WNT3A: variants seen among roughly 807,000 people sequenced by gnomAD.
The protein encoded by WNT3A is Wnt family member 3A.
A neutral mutation model predicts 37.0 loss-of-function variants in WNT3A; 17 were observed. That is an observed-to-expected ratio of 0.46 (90% CI 0.31 to 0.69). The LOEUF (loss-of-function observed/expected upper bound fraction) is 0.69, where lower values mean the gene tolerates loss of function less well. Ranked by LOEUF, WNT3A falls within the 30% of genes least tolerant of loss-of-function variation. WNT3A has a pLI of 0.05. For synonymous variants in WNT3A, 187 were observed against 211.0 expected, an observed-to-expected ratio of 0.89 and a Z score of 0.99; for missense variants, 411 against 510.2, an observed-to-expected ratio of 0.81 and a Z score of 1.87.
Position 228,059,243 on chromosome 1 carries a change from C to T in WNT3A, c.837C>T (p.Asn279=). Reference sequence around the variant, plus strand: ...TGGTCTACTACGAGGCCTCGCCCAACTTCTGCGAGCCCAACCCTGAGACGG... The same window carrying T: ...TGGTCTACTACGAGGCCTCGCCCAATTTCTGCGAGCCCAACCCTGAGACGG... ...RDLVYYEASP[N]FCEPNPETGS... Residue 279 remains asparagine, a synonymous_variant, in exon 4 of 4, where the codon AAC becomes AAT. Coordinates refer to ENST00000284523, the MANE Select transcript of WNT3A (RefSeq NM_033131.4). The T allele has an allele frequency of 6.2e-7, 1 of 1,609,262 alleles. No homozygotes were observed. The highest frequency in any genetic ancestry group is 1.1e-5 in the South Asian group (1 of 90,952).
At chr1:228,058,834 AG>A (rs2031732952) in intron 3 of WNT3A, 151 bp from the exon 4 acceptor site, 4 of 751,626 alleles carry the variant, frequency 5.3e-6, no homozygotes, top group Admixed American at 5.7e-5. Context: ...CACCATAGGA[AG>A]GGGGTGGCCC....
At chr1:228,044,476 T>A (rs2031357284) in intron 2 of WNT3A, among the ~76,000 whole-genome samples, 1 of 152,206 alleles carries the variant, frequency 6.6e-6, no homozygotes, top group African/African-American at 2.4e-5. Context: ...CTCATGCCCC[T>A]GAGACCTCTG....
In WNT3A at chr1:228,022,816, T is replaced by C; in HGVS notation, c.221T>C (p.Ile74Thr). 1 of 1,614,078 alleles carries C rather than the reference T, an allele frequency of 6.2e-7. No individual in the cohort carries two copies. The highest frequency in any genetic ancestry group is 8.5e-7 in the Non-Finnish European group (1 of 1,180,028). ...PSVAEGIKIGIQECQHQFRGR... is the reference protein window; with the variant it reads ...PSVAEGIKIGTQECQHQFRGR... ...GTGGCCGAGGGCATCAAGATTGGCA[T>C]CCAGGAGTGCCAGCACCAGTTCCGC... Residue 74 changes from isoleucine to threonine, a missense_variant, in exon 2 of 4, where the codon ATC (isoleucine) becomes ACC (threonine). Transcript: ENST00000284523.
chr1:228,015,906 C>T lies in WNT3A; in HGVS notation c.72-6761C>T, dbSNP rs1003228456. On this transcript the variant is annotated intron_variant, in intron 1 of 3. Coordinates refer to ENST00000284523, the MANE Select transcript of WNT3A (RefSeq NM_033131.4). ...TGGCCCTGCCTGCTGGCTGGGGCCACGCTTGTCTTAGGGCACCAGGCAGGA... is the reference window on the plus strand; with the variant it reads ...TGGCCCTGCCTGCTGGCTGGGGCCATGCTTGTCTTAGGGCACCAGGCAGGA... 3.4e-4 allele frequency among the ~76,000 whole-genome samples: 51 copies of T among 152,100 alleles called. 1 individual carries two copies. The highest frequency in any genetic ancestry group is 8.9e-4 in the African/African-American group (37 of 41,426).
At chr1:228,057,501 ATAAAAC>A (rs1273052495) in intron 3 of WNT3A, among the ~76,000 whole-genome samples, 5 of 152,216 alleles carry the variant, frequency 3.3e-5, no homozygotes, top group East Asian at 1.9e-4. Flanking sequence ...TTGATCCAAT[ATAAAAC>A]TAAAACAAAA....
At chr1:228,033,160 C>A (rs556216420) in intron 2 of WNT3A, among the ~76,000 whole-genome samples, 1 of 152,146 alleles carries the variant, frequency 6.6e-6, no homozygotes. Context: ...TCCTTTGATA[C>A]ATGCAAGATT....
Position 228,007,460 on chromosome 1 carries a change from G to A in WNT3A, c.71+261G>A, listed in dbSNP as rs1439384141. Among the ~76,000 whole-genome samples, 1 of 152,174 alleles carries A rather than the reference G, an allele frequency of 6.6e-6. No individual in the cohort carries two copies. Among genetic ancestry groups the A allele is most frequent in the Non-Finnish European group, 1.5e-5 (1 of 68,024 alleles). On this transcript the variant is annotated intron_variant, in intron 1 of 3. Transcript: ENST00000284523. This position sits in a 1 kb window ranked among gnomAD's most constrained non-coding sequence, Gnocchi z 6.0. ...GGTTGCGGAGGTCCTAGCTGCCCCT[G>A]GCGTCGGACAGGGCGAGCAGTGGGC...
rs893745836 is a variant in WNT3A at position 228,037,494 on chromosome 1, G to T, written c.314-13162G>T. 6.6e-6 allele frequency among the ~76,000 whole-genome samples: 1 copy of T among 152,026 alleles called. No individual in the cohort carries two copies. Among genetic ancestry groups the T allele is most frequent in the Non-Finnish European group, 1.5e-5 (1 of 67,964 alleles). ...GCTGAGCCCCCAGGAGCCCCTCGGG[G>T]GTGGTCCGCCACCTCCCTGTGTGTC... is the stretch of plus-strand genomic sequence containing the variant. On this transcript the variant is annotated intron_variant, in intron 2 of 3. Transcript: ENST00000284523. This position sits in a 1 kb window ranked among gnomAD's most constrained non-coding sequence, Gnocchi z 4.1.
rs1246405858 is a variant in WNT3A, at chr1:228,050,671, C to G, written c.329C>G (p.Ala110Gly). The change falls in exon 3 of 4, where the codon GCC becomes GGC. Residue 110 changes from alanine to glycine, a missense_variant. Physicochemically the swap from Ala to Gly is moderately conservative, Grantham distance 60. Coordinates refer to ENST00000284523, the MANE Select transcript of WNT3A (RefSeq NM_033131.4). The surrounding 1 kb of genome is among the most constrained non-coding windows in gnomAD (Gnocchi z 5.0). Reference sequence around the variant, plus strand: ...CTCTCTACAGCTACCAGGGAGTCGGCCTTTGTCCACGCCATTGCCTCAGCC... The same window carrying G: ...CTCTCTACAGCTACCAGGGAGTCGGGCTTTGTCCACGCCATTGCCTCAGCC... ...PVLDKATRES[A>G]FVHAIASAGV... 12 of 1,605,082 alleles carry G rather than the reference C, an allele frequency of 7.5e-6. No homozygotes were observed. Among genetic ancestry groups the G allele is most frequent in the Non-Finnish European group, 1.0e-5 (12 of 1,173,980 alleles).
In WNT3A at chr1:228,059,666, G is replaced by C. The variant is rs1472849335; in HGVS notation, c.*201G>C. ...CCCTGGAGCTAGTGTCTCCTCTCTGGTGGCTGGGCTGCTCCTGAATGAGGC... is the reference window on the plus strand; with the variant it reads ...CCCTGGAGCTAGTGTCTCCTCTCTGCTGGCTGGGCTGCTCCTGAATGAGGC... On this transcript the variant is annotated 3_prime_UTR_variant, in exon 4 of 4. Coordinates refer to ENST00000284523, the MANE Select transcript of WNT3A (RefSeq NM_033131.4). 2.2e-6 allele frequency: 3 copies of C among 1,362,962 alleles called. No individual in the cohort carries two copies. The highest frequency in any genetic ancestry group is 1.9e-6 in the Non-Finnish European group (2 of 1,066,132). 84.4% of individuals were successfully genotyped at this position (1,362,962 alleles called of 1,614,324 possible).
At chr1:228,025,365 T>C (rs1313059379) in intron 2 of WNT3A, among the ~76,000 whole-genome samples, 1 of 152,314 alleles carries the variant, frequency 6.6e-6, no homozygotes, top group Non-Finnish European at 1.5e-5. Flanking sequence ...GTTTTTGTTT[T>C]TGAGACAGGG....
intron 1 of WNT3A, among the ~76,000 whole-genome samples, chr1:228,018,663 A>T (rs904081842): frequency 6.6e-6 from 1 of 152,172 alleles, no homozygotes; most frequent in Non-Finnish European, 1.5e-5. Flanking sequence ...AAGTGCTGAG[A>T]TTACAGGCAT....
At chr1:228,034,291 CAT>C (rs1344710226) in intron 2 of WNT3A, among the ~76,000 whole-genome samples, 2 of 152,192 alleles carry the variant, frequency 1.3e-5, no homozygotes, top group African/African-American at 4.8e-5. Context: ...CGCACACACA[CAT>C]ACACACACAA....
chr1:228,037,272 G>A lies in WNT3A; in HGVS notation c.314-13384G>A, dbSNP rs966140496. On this transcript the variant is annotated intron_variant, in intron 2 of 3. Coordinates refer to ENST00000284523, the MANE Select transcript of WNT3A (RefSeq NM_033131.4). The surrounding 1 kb of genome is among the most constrained non-coding windows in gnomAD (Gnocchi z 4.1). Reference sequence around the variant, plus strand: ...CCCCTGCCCTATTCTGTGAACCCCAGGGTATCCCCACTCAAAGCACACGGC... The same window carrying A: ...CCCCTGCCCTATTCTGTGAACCCCAAGGTATCCCCACTCAAAGCACACGGC... Among the ~76,000 whole-genome samples, 2 of 151,986 alleles carry A rather than the reference G, an allele frequency of 1.3e-5. No homozygotes were observed. The highest frequency in any genetic ancestry group is 4.8e-5 in the African/African-American group (2 of 41,358).
intron 2 of WNT3A, among the ~76,000 whole-genome samples, chr1:228,033,521 C>A (rs2031062283): frequency 6.6e-6 from 1 of 152,166 alleles, no homozygotes; most frequent in African/African-American, 2.4e-5. Context: ...TTCCATTGTT[C>A]CATATGTCTG....
Position 228,039,757 on chromosome 1 carries a change from C to T in WNT3A, c.314-10899C>T, listed in dbSNP as rs1440715226. On this transcript the variant is annotated intron_variant, in intron 2 of 3. Transcript: ENST00000284523. This position sits in a 1 kb window ranked among gnomAD's most constrained non-coding sequence, Gnocchi z 4.1. ...CCCAGCCATGACCATTGTTGGAAGCCTCCAGTCCTAATTCCCTGATGGGCT... is the reference window on the plus strand; with the variant it reads ...CCCAGCCATGACCATTGTTGGAAGCTTCCAGTCCTAATTCCCTGATGGGCT... Among the ~76,000 whole-genome samples, 2 of 152,198 alleles carry T rather than the reference C, an allele frequency of 1.3e-5. No individual in the cohort carries two copies. Among genetic ancestry groups the T allele is most frequent in the African/African-American group, 4.8e-5 (2 of 41,444 alleles).
rs2031758214 is a variant in WNT3A, at chr1:228,059,752, G to A, written c.*287G>A. 1 of 1,252,214 alleles carries A rather than the reference G, an allele frequency of 8.0e-7. No individual in the cohort carries two copies. Among genetic ancestry groups the A allele is most frequent in the African/African-American group, 1.6e-5 (1 of 63,636 alleles). The allele number at this position is 1,252,214 out of a possible 1,614,324, so 77.6% of individuals were successfully genotyped here. ...TCTCCCTGGGGACGGGGCTCCCCTG[G>A]ACAGAGGCGGGGCTACAGATTGGGC... On this transcript the variant is annotated 3_prime_UTR_variant, in exon 4 of 4. Transcript: ENST00000284523.
intron 1 of WNT3A, among the ~76,000 whole-genome samples, chr1:228,013,462 C>T (rs1483635251): frequency 1.3e-5 from 2 of 152,204 alleles, no homozygotes; most frequent in African/African-American, 4.8e-5. Flanking sequence ...CTGGCAAGTG[C>T]GTGGCCGCGG....
intron 1 of WNT3A, among the ~76,000 whole-genome samples, chr1:228,011,547 T>A (rs1384758959): frequency 6.6e-6 from 1 of 152,158 alleles, no homozygotes; most frequent in Non-Finnish European, 1.5e-5. Flanking sequence ...CTTCCCTGTA[T>A]CTGTCTCTGC....
Sources: allele counts gnomAD v4.1 joint callset (sites outside exome capture counted in the v4.1 genomes callset), GRCh38; gene constraint gnomAD v4.1.1; non-coding constraint Gnocchi (gnomAD v3.1); transcripts MANE v1.5; gene names NCBI Gene and HGNC (gene_info 2026-07-23, HGNC 2026-07-21).